Variants in HIVEP3 observed in about 807,000 individuals in gnomAD.
HIVEP3 encodes the protein HIVEP zinc finger 3, also known as transcription factor HIVEP3.
Under a neutral mutation model 152.8 loss-of-function variants are expected in HIVEP3, and 49 were observed. That is an observed-to-expected ratio of 0.32 (90% CI 0.26 to 0.41). HIVEP3 has a LOEUF of 0.41. Among genes scored for constraint, HIVEP3 ranks in the 10% least tolerant of loss-of-function variants. The probability of loss-of-function intolerance (pLI) is 1.00; values close to 1 mark genes in which losing one functional copy is unlikely to be tolerated. For synonymous variants in HIVEP3, 1,269 were observed against 1,289.0 expected (o/e 0.98, Z 0.33); for missense variants, 2,790 against 3,103.3 (o/e 0.90, Z 2.40).
intron 1 of HIVEP3, among the ~76,000 whole-genome samples, chr1:41,742,370 G>C (rs371080325): frequency 3.9e-5 from 6 of 152,154 alleles, no homozygotes; most frequent in Admixed American, 3.9e-4. Context: ...AACAGCTTCC[G>C]CATACTCTGC....
chr1:41,661,705 G>T (rs1310126509), intron 2 of HIVEP3, among the ~76,000 whole-genome samples: 1 of 152,250 alleles, frequency 6.6e-6, no homozygotes, highest in African/African-American at 2.4e-5. Context: ...CCATTCAGCA[G>T]CTCCCGCCGG....
intron 1 of HIVEP3, among the ~76,000 whole-genome samples, chr1:41,968,069 C>A (rs1301612007): frequency 6.6e-6 from 1 of 151,718 alleles, no homozygotes; most frequent in Non-Finnish European, 1.5e-5. Flanking sequence ...GCCTACCAAC[C>A]AAAAAAAGCC....
chr1:41,645,521 C>T (rs1338307340), intron 2 of HIVEP3, among the ~76,000 whole-genome samples: 1 of 152,228 alleles, frequency 6.6e-6, no homozygotes, highest in Non-Finnish European at 1.5e-5. Flanking sequence ...CTGTGCAGTG[C>T]ACAGCCTGCA....
intron 2 of HIVEP3, among the ~76,000 whole-genome samples, chr1:41,690,907 A>C (rs1646188714): frequency 6.6e-6 from 1 of 152,212 alleles, no homozygotes; most frequent in African/African-American, 2.4e-5. Flanking sequence ...GACAAGAGTG[A>C]AACTCCATCT....
chr1:41,958,194 C>T (rs1248395004), intron 1 of HIVEP3, among the ~76,000 whole-genome samples: 1 of 152,196 alleles, frequency 6.6e-6, no homozygotes, highest in African/African-American at 2.4e-5. Flanking sequence ...AGCAGCCTTG[C>T]CATTTGGGCC....
chr1:41,917,941 G>A (rs1177737523), intron 1 of HIVEP3, among the ~76,000 whole-genome samples: 4 of 152,202 alleles, frequency 2.6e-5, no homozygotes, highest in Non-Finnish European at 4.4e-5. Flanking sequence ...TAAACAATCC[G>A]GAGCAGCAGC....
In HIVEP3 at chr1:41,583,568, G is replaced by A. The variant is rs199930261; in HGVS notation, c.1230C>T (p.Asn410=). 1.2e-4 allele frequency: 190 copies of A among 1,614,034 alleles called. No homozygotes were observed. The highest frequency in any genetic ancestry group is 1.3e-4 in the Non-Finnish European group (159 of 1,180,032). ...AGATGATCTCAGCGTAGGACTTGGCGTTGGTGTTTGGGGGGCTGACCTGCT... is the reference window on the plus strand; with the variant it reads ...AGATGATCTCAGCGTAGGACTTGGCATTGGTGTTTGGGGGGCTGACCTGCT... ...AEQQVSPPNT[N]AKSYAEIIFG... Residue 410 remains asparagine (N), a synonymous_variant, in exon 4 of 9, where the codon AAC becomes AAT. Coordinates refer to ENST00000372583, the MANE Select transcript of HIVEP3 (RefSeq NM_024503.5). The surrounding 1 kb of genome is among the most constrained non-coding windows in gnomAD (Gnocchi z 6.9).
intron 3 of HIVEP3, among the ~76,000 whole-genome samples, chr1:41,622,445 A>G (rs1308297508): frequency 1.3e-5 from 2 of 152,202 alleles, no homozygotes; most frequent in Non-Finnish European, 2.9e-5. Flanking sequence ...GGGAATGCTG[A>G]GCTAAGGGTC....
chr1:41,860,750 C>T (rs1028475107), intron 1 of HIVEP3, among the ~76,000 whole-genome samples: 3 of 152,194 alleles, frequency 2.0e-5, no homozygotes, highest in Non-Finnish European at 4.4e-5. Flanking sequence ...GGTCTGGCCC[C>T]CACAGGTATA....
chr1:41,998,803 C>T (rs1168523244), intron 1 of HIVEP3, among the ~76,000 whole-genome samples: 2 of 151,142 alleles, frequency 1.3e-5, no homozygotes, highest in Non-Finnish European at 2.9e-5. Flanking sequence ...TTATCACTTC[C>T]TTCATGTGAT....
intron 1 of HIVEP3, among the ~76,000 whole-genome samples, chr1:41,738,860 T>C (rs1217803699): frequency 6.6e-6 from 1 of 152,234 alleles, no homozygotes; most frequent in Non-Finnish European, 1.5e-5. Context: ...AAGAAACCTA[T>C]GGAGAGAAAA....
chr1:41,527,505 TCA>T (rs1295650526), intron 5 of HIVEP3, among the ~76,000 whole-genome samples: 2 of 34,062 alleles, frequency 5.9e-5, no homozygotes, highest in African/African-American at 1.7e-4. Flanking sequence ...TCACACACAC[TCA>T]CACACCCCCG....
intron 1 of HIVEP3, among the ~76,000 whole-genome samples, chr1:41,834,767 G>A (rs1381546556): frequency 6.6e-6 from 1 of 152,126 alleles, no homozygotes; most frequent in African/African-American, 2.4e-5. Context: ...TACAGTATCA[G>A]TTAGTAATAA....
intron 3 of HIVEP3, among the ~76,000 whole-genome samples, chr1:41,626,439 C>A (rs1335745001): frequency 6.6e-6 from 1 of 152,210 alleles, no homozygotes; most frequent in Admixed American, 6.5e-5. Context: ...CCATACTCTA[C>A]AGATTCTTCC....
chr1:41,627,521 G>A (rs1645134547), intron 3 of HIVEP3, among the ~76,000 whole-genome samples: 1 of 152,178 alleles, frequency 6.6e-6, no homozygotes, highest in Non-Finnish European at 1.5e-5. Context: ...CCTAGGGCTG[G>A]TAGGCCCAAG....
rs569454107 is a variant in HIVEP3 at position 41,881,205 on chromosome 1, C to T, written c.-801+37208G>A. Among the ~76,000 whole-genome samples, 7 of 152,314 alleles carry T rather than the reference C, an allele frequency of 4.6e-5. No homozygotes were observed. In the South Asian group the frequency reaches 1.2e-3, roughly 27 times the overall value. ...ACGAAGACCATGAGTTGTGCAACAT[C>T]TAATACAGGTCAGGGGTGAATACTT... On this transcript the variant is annotated intron_variant, in intron 1 of 8. Transcript: ENST00000372583.
intron 1 of HIVEP3, among the ~76,000 whole-genome samples, chr1:41,772,808 G>A (rs1398826612): frequency 3.3e-5 from 5 of 152,292 alleles, no homozygotes; most frequent in African/African-American, 9.6e-5. Context: ...TACTCAGGAG[G>A]CTGAGGTAGG....
At chr1:41,706,949 C>CA (rs1309677866) in intron 1 of HIVEP3, among the ~76,000 whole-genome samples, 9 of 152,186 alleles carry the variant, frequency 5.9e-5, no homozygotes, top group African/African-American at 2.2e-4. Flanking sequence ...GAGTTCAGTT[C>CA]AAATAAAATA....
intron 1 of HIVEP3, among the ~76,000 whole-genome samples, chr1:41,915,472 G>T (rs1207345795): frequency 6.6e-6 from 1 of 152,062 alleles, no homozygotes; most frequent in Non-Finnish European, 1.5e-5. Context: ...CTTCCAATTT[G>T]CTAGGTGCAT....
Sources: allele counts gnomAD v4.1 joint callset (sites outside exome capture counted in the v4.1 genomes callset), GRCh38; gene constraint gnomAD v4.1.1; non-coding constraint Gnocchi (gnomAD v3.1); transcripts MANE v1.5; gene names NCBI Gene and HGNC (gene_info 2026-07-23, HGNC 2026-07-21).